Variants in PDCD11 observed in about 807,000 individuals in gnomAD.
PDCD11 encodes programmed cell death 11, also known as protein RRP5 homolog.
PDCD11 carries 97 observed loss-of-function variants against 198.9 expected under a neutral mutation model. The ratio of observed to expected loss-of-function variants is 0.49; its 90% CI spans 0.41 to 0.58. PDCD11 has a LOEUF of 0.58. PDCD11 is among the 20% of genes least tolerant of loss of function. The pLI, the probability that PDCD11 is intolerant of heterozygous loss-of-function variation, is 0.00. For synonymous variants in PDCD11, 893 were observed against 918.0 expected (o/e 0.97, Z 0.49); for missense variants, 2,102 against 2,312.7 (o/e 0.91, Z 1.87).
chr10:103,443,560 C>T (rs1439889279), intron 33 of PDCD11, among the ~76,000 whole-genome samples: 4 of 152,184 alleles, frequency 2.6e-5, no homozygotes, highest in South Asian at 4.1e-4. Context: ...GGCAGTGGAC[C>T]CCTGGTGTGT....
At chr10:103,426,029 G>A (rs1439079451) in intron 20 of PDCD11, among the ~76,000 whole-genome samples, 3 of 152,186 alleles carry the variant, frequency 2.0e-5, no homozygotes, top group African/African-American at 7.2e-5. Context: ...TCAGACCCGG[G>A]TTTGAATTCT....
chr10:103,413,358 C>A, intron 9 of PDCD11, 36 bp downstream of exon 9: 1 of 1,548,434 alleles, frequency 6.5e-7, no homozygotes, highest in Non-Finnish European at 8.9e-7. Context: ...GGGATCTTAT[C>A]ACTGGAAGGA....
At chr10:103,431,402 C>T (rs2031927864) in intron 21 of PDCD11, among the ~76,000 whole-genome samples, 1 of 151,890 alleles carries the variant, frequency 6.6e-6, no homozygotes, top group Non-Finnish European at 1.5e-5. Context: ...ACCAGCCTGG[C>T]CAACATGGTG....
intron 2 of PDCD11, among the ~76,000 whole-genome samples, chr10:103,398,847 C>T (rs995850696): frequency 5.3e-5 from 8 of 152,176 alleles, no homozygotes; most frequent in Admixed American, 2.0e-4. Flanking sequence ...GGTGAAACCC[C>T]GTCTATACTA....
intron 26 of PDCD11, 139 bp from the exon 27 acceptor site, chr10:103,438,547 T>C (rs2133747038): frequency 8.9e-7 from 1 of 1,118,384 alleles, no homozygotes; most frequent in South Asian, 1.6e-5. Context: ...GAGAGTAGAG[T>C]TGGGCTCTAA....
At position 103,427,340 on chromosome 10, in the gene PDCD11, T is replaced by A. The variant is rs751490849; in HGVS notation, c.3317T>A (p.Ile1106Lys). ...ATTTGTTTCTCCAGGTATCTCCCAA[T>A]AAGTCACCCCAGATTCGTTCGAACC... ...RDMKTFKYLPISHPRFVRTIP... is the reference protein window; with the variant it reads ...RDMKTFKYLPKSHPRFVRTIP... Residue 1106 changes from isoleucine (I) to lysine (K), a missense_variant, in exon 21 of 36, where the codon ATA becomes AAA. Transcript: ENST00000369797. The A allele has an allele frequency of 1.2e-6, 2 of 1,613,636 alleles. No homozygotes were observed. The highest frequency in any genetic ancestry group is 1.7e-5 in the Admixed American group (1 of 59,998).
At chr10:103,425,823 G>C (rs939359385) in intron 20 of PDCD11, among the ~76,000 whole-genome samples, 2 of 152,096 alleles carry the variant, frequency 1.3e-5, no homozygotes, top group African/African-American at 4.8e-5. Context: ...GGGACTACAG[G>C]CACCCACCAC....
intron 2 of PDCD11, among the ~76,000 whole-genome samples, 197 bp downstream of exon 2, chr10:103,398,725 A>G (rs2093449724): frequency 6.6e-6 from 1 of 152,236 alleles, no homozygotes; most frequent in African/African-American, 2.4e-5. Flanking sequence ...TTAGTATTAA[A>G]GTACTGTTAT....
intron 12 of PDCD11, among the ~76,000 whole-genome samples, chr10:103,415,462 C>T (rs1026088138): frequency 3.9e-5 from 6 of 152,346 alleles, no homozygotes; most frequent in Non-Finnish European, 7.3e-5. Context: ...GAATTGTTGA[C>T]GTTATCAGTA....
intron 3 of PDCD11, among the ~76,000 whole-genome samples, chr10:103,401,647 A>G (rs1436152411): frequency 2.0e-5 from 3 of 152,260 alleles, no homozygotes; most frequent in African/African-American, 7.2e-5. Context: ...TTGAAGAGGA[A>G]CATTCATATT....
At chr10:103,410,234 C>CA (rs57446089) in intron 8 of PDCD11, among the ~76,000 whole-genome samples, 2,392 of 93,090 alleles carry the variant, frequency 0.026, 33 homozygotes, top group Non-Finnish European at 0.029. Flanking sequence ...GACTCCATCT[C>CA]AAAAAAAAAA....
rs201824205 is a variant in PDCD11 at position 103,413,347 on chromosome 10, A to G, written c.1185+25A>G. 8,761 of 1,590,282 alleles carry G rather than the reference A, an allele frequency of 5.5e-3. 45 individuals are homozygous for G. The highest frequency in any genetic ancestry group is 0.014 in the Middle Eastern group (84 of 6,012). On this transcript the variant is annotated intron_variant, in intron 9 of 35. Coordinates refer to ENST00000369797, the MANE Select transcript of PDCD11 (RefSeq NM_014976.2). ...GGTAAGGAGGCCTCTTTGTTTGGTCAGGGATCTTATCACTGGAAGGACTTC... is the reference window on the plus strand; with the variant it reads ...GGTAAGGAGGCCTCTTTGTTTGGTCGGGGATCTTATCACTGGAAGGACTTC...
chr10:103,444,091 T>C (rs2032501164), intron 34 of PDCD11, 23 bp downstream of exon 34: 3 of 1,601,024 alleles, frequency 1.9e-6, no homozygotes, highest in South Asian at 2.2e-5. Flanking sequence ...TCCCAGCTCC[T>C]GAGCCCATGA....
Position 103,445,760 on chromosome 10 carries a change from CTT to C in PDCD11, c.*215_*216del, listed in dbSNP as rs922808947. ...TTTATTTTCAGTACCAACTTGTTAT[CTT>C]TTTCCTTATCTGAGGCTACCTGGGG... On this transcript the variant is annotated 3_prime_UTR_variant, in exon 36 of 36. Coordinates refer to ENST00000369797, the MANE Select transcript of PDCD11 (RefSeq NM_014976.2). 3.8e-6 allele frequency: 2 copies of C among 532,844 alleles called. No individual in the cohort carries two copies. The highest frequency in any genetic ancestry group is 3.8e-5 in the African/African-American group (2 of 52,836). The allele number at this position is 532,844 out of a possible 1,614,324, so 33.0% of individuals were successfully genotyped here.
chr10:103,409,210 C>T (rs2030643946), intron 7 of PDCD11, among the ~76,000 whole-genome samples: 2 of 152,174 alleles, frequency 1.3e-5, no homozygotes, highest in South Asian at 4.1e-4. Context: ...TCATTCATCT[C>T]CCTCACCACT....
intron 21 of PDCD11, 92 bp downstream of exon 21, chr10:103,427,483 T>C (rs1376685266): frequency 1.8e-6 from 2 of 1,081,858 alleles, no homozygotes; most frequent in African/African-American, 1.6e-5. Context: ...TTACCAGTGT[T>C]AGGATTGATT....
intron 21 of PDCD11, among the ~76,000 whole-genome samples, chr10:103,430,223 G>A (rs959116428): frequency 6.6e-6 from 1 of 152,100 alleles, no homozygotes; most frequent in African/African-American, 2.4e-5. Flanking sequence ...AAACTTCTGA[G>A]CTCAGGCAAT....
At chr10:103,433,415 G>A (rs550155216) in intron 22 of PDCD11, among the ~76,000 whole-genome samples, 51 of 152,150 alleles carry the variant, frequency 3.4e-4, no homozygotes, top group South Asian at 1.0e-3. Flanking sequence ...GAGAATCACT[G>A]GAACCCAGGA....
intron 1 of PDCD11, among the ~76,000 whole-genome samples, chr10:103,397,024 T>G (rs2093439741): frequency 6.6e-6 from 1 of 152,138 alleles, no homozygotes; most frequent in Non-Finnish European, 1.5e-5. Context: ...ACTTTCCTGT[T>G]TCTATGAATC....
Sources: gnomAD v4.1 joint callset for allele counts (sites outside exome capture counted in the v4.1 genomes callset) on GRCh38, gnomAD v4.1.1 for gene constraint, MANE v1.5 for transcripts, NCBI Gene and HGNC (gene_info 2026-07-23, HGNC 2026-07-21) for gene names.